RGL1: variants seen among roughly 807,000 people sequenced by gnomAD.
RGL1 encodes ral guanine nucleotide dissociation stimulator like 1.
Under a neutral mutation model 95.2 loss-of-function variants are expected in RGL1, and 24 were observed. The observed-to-expected ratio is 0.25, with a 90% CI of 0.18 to 0.35. The LOEUF (loss-of-function observed/expected upper bound fraction) is 0.35. Ranked by LOEUF, RGL1 falls within the 10% of genes least tolerant of loss-of-function variation. The pLI, the probability that RGL1 is intolerant of heterozygous loss-of-function variation, is 1.00. For synonymous variants in RGL1, 329 were observed against 344.9 expected, an observed-to-expected ratio of 0.95 and a Z score of 0.51; for missense variants, 715 against 936.3, an observed-to-expected ratio of 0.76 and a Z score of 3.08.
chr1:183,862,609 C>T (rs1665578373), intron 3 of RGL1, among the ~76,000 whole-genome samples: 1 of 152,214 alleles, frequency 6.6e-6, no homozygotes. Context: ...TATCTTAAAA[C>T]TTTTATGCTC....
intron 3 of RGL1, among the ~76,000 whole-genome samples, chr1:183,851,367 T>C (rs2102549473): frequency 6.6e-6 from 1 of 152,314 alleles, no homozygotes; most frequent in Non-Finnish European, 1.5e-5. Context: ...TGAGATAGTT[T>C]AGAGGTAGAT....
chr1:183,638,127 AT>A (rs1649673571), intron 1 of RGL1, among the ~76,000 whole-genome samples: 2 of 152,134 alleles, frequency 1.3e-5, no homozygotes, highest in African/African-American at 2.4e-5. Flanking sequence ...TATTTAGGAA[AT>A]TTTTTATTTT....
chr1:183,689,254 T>C (rs1653797531), intron 1 of RGL1, among the ~76,000 whole-genome samples: 1 of 152,166 alleles, frequency 6.6e-6, no homozygotes. Context: ...TATATTCCCA[T>C]TACTTAGTTC....
At chr1:183,769,146 T>G (rs900444571) in intron 2 of RGL1, among the ~76,000 whole-genome samples, 1 of 152,264 alleles carries the variant, frequency 6.6e-6, no homozygotes, top group Non-Finnish European at 1.5e-5. Flanking sequence ...TGTCATTTCC[T>G]TGTTAACAAT....
intron 4 of RGL1, among the ~76,000 whole-genome samples, chr1:183,872,191 G>A (rs988390717): frequency 3.3e-5 from 5 of 152,042 alleles, no homozygotes; most frequent in African/African-American, 1.2e-4. Flanking sequence ...TGTCTCTAGG[G>A]CAGATTTATT....
chr1:183,814,167 C>T (rs1008459913), intron 2 of RGL1, among the ~76,000 whole-genome samples: 1 of 150,844 alleles, frequency 6.6e-6, no homozygotes, highest in African/African-American at 2.5e-5. Context: ...TAGAAGACAC[C>T]ACCTTGTAGG....
chr1:183,917,027 A>G (rs1355751804), intron 16 of RGL1, among the ~76,000 whole-genome samples: 1 of 152,178 alleles, frequency 6.6e-6, no homozygotes, highest in Non-Finnish European at 1.5e-5. Flanking sequence ...GACAGTGTAA[A>G]TGTGCTCCAG....
intron 2 of RGL1, among the ~76,000 whole-genome samples, chr1:183,816,444 C>A (rs577083610): frequency 6.6e-6 from 1 of 152,212 alleles, no homozygotes; most frequent in East Asian, 1.9e-4. Flanking sequence ...CTGTGCTACA[C>A]GTTGATTAGC....
At chr1:183,667,086 AT>A (rs1472697109) in intron 1 of RGL1, among the ~76,000 whole-genome samples, 1 of 152,168 alleles carries the variant, frequency 6.6e-6, no homozygotes, top group East Asian at 1.9e-4. Flanking sequence ...TCCCTTAACC[AT>A]TTGGTAATGC....
chr1:183,768,606 C>A (rs2102324405), intron 2 of RGL1, among the ~76,000 whole-genome samples: 1 of 151,248 alleles, frequency 6.6e-6, no homozygotes. Context: ...GTAGCTGGGA[C>A]TACAGGCATG....
At chr1:183,736,589 T>C (rs1158147971) in intron 1 of RGL1, among the ~76,000 whole-genome samples, 1 of 152,184 alleles carries the variant, frequency 6.6e-6, no homozygotes, top group Non-Finnish European at 1.5e-5. Context: ...GAGTTGAAGA[T>C]AGTAGGATAT....
chr1:183,761,756 T>C (rs1414185998), intron 2 of RGL1, among the ~76,000 whole-genome samples: 3 of 152,266 alleles, frequency 2.0e-5, no homozygotes, highest in African/African-American at 7.2e-5. Context: ...TAAGACTATT[T>C]TGTCTACATT....
intron 2 of RGL1, among the ~76,000 whole-genome samples, chr1:183,750,607 G>T (rs1303179865): frequency 7.4e-6 from 1 of 134,554 alleles, no homozygotes; most frequent in Admixed American, 7.6e-5. Context: ...CCTTGCTGGT[G>T]AGGAGTTGTG....
intron 2 of RGL1, among the ~76,000 whole-genome samples, chr1:183,813,076 C>A (rs919025441): frequency 2.0e-5 from 3 of 152,118 alleles, no homozygotes; most frequent in African/African-American, 7.2e-5. Flanking sequence ...GGGAGCCAGA[C>A]TGGAGCATGG....
intron 1 of RGL1, among the ~76,000 whole-genome samples, chr1:183,679,301 A>G (rs1170343472): frequency 6.6e-6 from 1 of 152,082 alleles, no homozygotes; most frequent in Non-Finnish European, 1.5e-5. Context: ...GGTTTGTTAC[A>G]TAGGTATACA....
chr1:183,873,150 G>A (rs1204124963), intron 4 of RGL1, among the ~76,000 whole-genome samples: 1 of 152,140 alleles, frequency 6.6e-6, no homozygotes, highest in African/African-American at 2.4e-5. Flanking sequence ...GATAATCAAT[G>A]GCTCAAAAAG....
At chr1:183,812,670 G>T (rs550684728) in intron 2 of RGL1, among the ~76,000 whole-genome samples, 1 of 152,216 alleles carries the variant, frequency 6.6e-6, no homozygotes, top group East Asian at 1.9e-4. Flanking sequence ...AATCAAATGC[G>T]AGTGACAGGT....
chr1:183,761,229 T>G lies in RGL1; in HGVS notation c.132+18940T>G, dbSNP rs1011231166. ...CCTAGATCCATCAGAGGAATCATTATCTATGGCAGCTATAGCCTTATGAAA... is the reference window on the plus strand; with the variant it reads ...CCTAGATCCATCAGAGGAATCATTAGCTATGGCAGCTATAGCCTTATGAAA... On this transcript the variant is annotated intron_variant, in intron 2 of 18. Transcript: ENST00000304685. 9.8e-5 allele frequency among the ~76,000 whole-genome samples: 15 copies of G among 152,380 alleles called. No homozygotes were observed. In the East Asian group the frequency reaches 2.9e-3, roughly 29 times the overall value.
At chr1:183,746,029 T>G (rs1017014876) in intron 2 of RGL1, among the ~76,000 whole-genome samples, 1 of 152,124 alleles carries the variant, frequency 6.6e-6, no homozygotes, top group African/African-American at 2.4e-5. Flanking sequence ...TTCATTTTTT[T>G]TTTTTTGCTA....
Sources: gnomAD v4.1 joint callset for allele counts (sites outside exome capture counted in the v4.1 genomes callset) on GRCh38, gnomAD v4.1.1 for gene constraint, MANE v1.5 for transcripts, NCBI Gene and HGNC (gene_info 2026-07-23, HGNC 2026-07-21) for gene names.